Variants in RUSF1 observed in about 807,000 individuals in gnomAD.
RUSF1 encodes RUS1 family protein C16orf58.
Under a neutral mutation model 63.0 loss-of-function variants are expected in RUSF1, and 58 were observed. That is an observed-to-expected ratio of 0.92 (90% CI 0.75 to 1.15). The LOEUF is 1.15. Among genes scored for constraint, RUSF1 ranks in the 50% most tolerant of loss-of-function variants. The pLI is 0.00. For synonymous variants in RUSF1, 274 were observed against 255.8 expected (o/e 1.07, Z -0.68); for missense variants, 652 against 611.0 (o/e 1.07, Z -0.71).
chr16:31,497,894 G>A (rs2082612539), intron 5 of RUSF1, among the ~76,000 whole-genome samples: 1 of 152,252 alleles, frequency 6.6e-6, no homozygotes, highest in African/African-American at 2.4e-5. Context: ...GCAGCAGAGT[G>A]ACCTGATTGC....
chr16:31,496,900 G>A lies in RUSF1; in HGVS notation c.651C>T (p.His217=), dbSNP rs1344623917. The change falls in exon 6 of 13, where the codon CAC becomes CAT. Residue 217 remains histidine, a synonymous_variant. Coordinates refer to ENST00000327237, the MANE Select transcript of RUSF1 (RefSeq NM_022744.4). ...GGATRAALTV[H]QARRNNMADV... ...CAGCCATGTTGTTCCTCCGAGCCTG[G>A]TGCACGGTCAGGGCAGCCCGAGTGG... The A allele has an allele frequency of 6.2e-7, 1 of 1,610,222 alleles. No homozygotes were observed. The highest frequency in any genetic ancestry group is 8.5e-7 in the Non-Finnish European group (1 of 1,178,644).
chr16:31,491,911 T>A, intron 12 of RUSF1, 98 bp downstream of exon 12: 1 of 1,319,676 alleles, frequency 7.6e-7, no homozygotes, highest in Non-Finnish European at 1.1e-6. Context: ...AGAACCCAAG[T>A]CTTTTACCTT....
chr16:31,508,041 G>A (rs776428600), intron 1 of RUSF1, 33 bp downstream of exon 1: 1 of 1,579,564 alleles, frequency 6.3e-7, no homozygotes, highest in Admixed American at 1.8e-5. Context: ...GGAGTGGCCT[G>A]CACTGTCCTC....
In RUSF1 at chr16:31,490,853, G is replaced by A. The variant is rs201819750; in HGVS notation, c.1389C>T (p.Pro463=). Residue 463 remains proline, a synonymous_variant, in exon 13 of 13, where the codon CCC becomes CCT. Transcript: ENST00000327237. Reference sequence around the variant, plus strand: ...GGGCTGCTCACAAGACCTTCTTTTCGGGAGACAGAAGCCATGTGGCCCTCC... The same window carrying A: ...GGGCTGCTCACAAGACCTTCTTTTCAGGAGACAGAAGCCATGTGGCCCTCC... ...DEWRATWLLS[P]EKKVL is the part of the protein sequence containing the mutation. 6.2e-6 allele frequency: 10 copies of A among 1,614,158 alleles called. No individual in the cohort carries two copies. The highest frequency in any genetic ancestry group is 1.1e-5 in the South Asian group (1 of 91,076).
rs746070691 is a variant in RUSF1 at position 31,507,921 on chromosome 16, G to C, written c.301-43C>G. 4 of 1,545,062 alleles carry C rather than the reference G, an allele frequency of 2.6e-6. No homozygotes were observed. The East Asian group carries it at 9.8e-5, about 38-fold the overall frequency. ...TAGGGTGAGAAGCGGGCGTAGGAGC[G>C]TGGCGGTCTAAGTGCCTTCATCTGT... On this transcript the variant is annotated intron_variant, in intron 1 of 12. Coordinates refer to ENST00000327237, the MANE Select transcript of RUSF1 (RefSeq NM_022744.4).
At chr16:31,496,183 G>C (rs780806670) in intron 6 of RUSF1, among the ~76,000 whole-genome samples, 4 of 152,042 alleles carry the variant, frequency 2.6e-5, no homozygotes. Context: ...TCCTGAGCTC[G>C]AGGCTGGGAC....
Position 31,508,141 on chromosome 16 carries a change from AG to A in RUSF1, c.232del (p.Leu78CysfsTer33), listed in dbSNP as rs1567401174. The A allele has an allele frequency of 6.3e-7, 1 of 1,597,282 alleles. No individual in the cohort carries two copies. The highest frequency in any genetic ancestry group is 8.5e-7 in the Non-Finnish European group (1 of 1,172,698). ...GACGCTATCAGGGAAGCCCTGAGGC[AG>A]GAACACGGCCTGGAGCCCGGAGAGG... ...PPLSGLQAVF[L>X]PQGFPDSVSP... On this transcript the variant is annotated frameshift_variant, in exon 1 of 13. Transcript: ENST00000327237. LOFTEE classifies it high-confidence loss of function.
At chr16:31,505,200 A>C (rs1214160693) in intron 2 of RUSF1, among the ~76,000 whole-genome samples, 1 of 152,206 alleles carries the variant, frequency 6.6e-6, no homozygotes, top group Non-Finnish European at 1.5e-5. Context: ...GTCTGGGTGG[A>C]GAGAAGCATA....
intron 10 of RUSF1, 70 bp downstream of exon 10, chr16:31,492,908 C>A (rs1172384755): frequency 1.3e-5 from 20 of 1,494,280 alleles, no homozygotes; most frequent in Non-Finnish European, 1.8e-5. Flanking sequence ...AGCTCGGGGC[C>A]CTAGGTTGGA....
Position 31,489,994 on chromosome 16 carries a change from C to G in RUSF1, c.*841G>C, listed in dbSNP as rs865816262. ...GTTAAGCCTGGGCTGGGTGTGTAGA[C>G]TGGACAGAGGTGGGTAGGGCAGGCA... On this transcript the variant is annotated 3_prime_UTR_variant, in exon 13 of 13. Transcript: ENST00000327237. 1.5e-5 allele frequency: 21 copies of G among 1,448,006 alleles called. No homozygotes were observed. The highest frequency in any genetic ancestry group is 4.7e-4 in the Middle Eastern group (2 of 4,212). The allele number at this position is 1,448,006 out of a possible 1,614,324, so 89.7% of individuals were successfully genotyped here.
intron 2 of RUSF1, among the ~76,000 whole-genome samples, chr16:31,503,863 T>C (rs1018037439): frequency 5.3e-4 from 81 of 152,324 alleles, no homozygotes; most frequent in African/African-American, 1.9e-3. Flanking sequence ...GGTTTCTCCA[T>C]GTTGGTCAGG....
At position 31,493,853 on chromosome 16, in the gene RUSF1, G is replaced by T; in HGVS notation, c.773+13C>A. On this transcript the variant is annotated intron_variant, in intron 7 of 12. Transcript: ENST00000327237. ...CAGCTGGGGTTCTCCTGCCCACCCT[G>T]CTTCCGGCTTACCCAGGGCAACCTG... 1 of 1,614,222 alleles carries T rather than the reference G, an allele frequency of 6.2e-7. No homozygotes were observed. Among genetic ancestry groups the T allele is most frequent in the African/African-American group, 1.3e-5 (1 of 75,062 alleles).
chr16:31,498,842 T>C (rs1235785787), intron 5 of RUSF1, among the ~76,000 whole-genome samples: 4 of 152,164 alleles, frequency 2.6e-5, no homozygotes, highest in Non-Finnish European at 4.4e-5. Flanking sequence ...CAGGCTGGAA[T>C]CCCCGCCTCA....
chr16:31,501,572 T>C (rs1175086574), intron 2 of RUSF1, among the ~76,000 whole-genome samples: 1 of 146,906 alleles, frequency 6.8e-6, no homozygotes, highest in Admixed American at 6.9e-5. Flanking sequence ...CCAGCCTGGA[T>C]GACAGAGCAA....
chr16:31,507,201 T>C (rs2082663972), intron 2 of RUSF1, among the ~76,000 whole-genome samples: 1 of 152,192 alleles, frequency 6.6e-6, no homozygotes. Context: ...ATTTCCCTTT[T>C]CTGTTCTATT....
At position 31,492,061 on chromosome 16, in the gene RUSF1, G is replaced by A. The variant is rs752747114; in HGVS notation, c.1257C>T (p.Val419=). Residue 419 remains valine, a synonymous_variant, in exon 12 of 13, where the codon GTC becomes GTT. Coordinates refer to ENST00000327237, the MANE Select transcript of RUSF1 (RefSeq NM_022744.4). ...CCAACACTTCGTGTGTCTCCTTGACGACGACCCAGCTCTCTTTCTTAGGAC... is the reference window on the plus strand; with the variant it reads ...CCAACACTTCGTGTGTCTCCTTGACAACGACCCAGCTCTCTTTCTTAGGAC... ...RAGPKKESWV[V]VKETHEVLDM... is the part of the protein sequence containing the mutation. 109 of 1,614,042 alleles carry A rather than the reference G, an allele frequency of 6.8e-5. No individual in the cohort carries two copies. The South Asian group carries it at 1.1e-3, about 17-fold the overall frequency.
chr16:31,496,021 G>T (rs185333197), intron 6 of RUSF1, among the ~76,000 whole-genome samples: 1 of 152,306 alleles, frequency 6.6e-6, no homozygotes, highest in East Asian at 1.9e-4. Context: ...GGACTTCCCT[G>T]GGCCTTAATT....
At chr16:31,507,955 T>C in intron 1 of RUSF1, 77 bp from the exon 2 acceptor site, 1 of 1,533,182 alleles carries the variant, frequency 6.5e-7, no homozygotes, top group South Asian at 1.2e-5. Flanking sequence ...GTTCTTGTTC[T>C]TGGTGTATGA....
In RUSF1 at chr16:31,508,258, C is replaced by G; in HGVS notation, c.116G>C (p.Trp39Ser). 6.4e-7 allele frequency: 1 copy of G among 1,565,290 alleles called. No individual in the cohort carries two copies. Among genetic ancestry groups the G allele is most frequent in the Non-Finnish European group, 8.7e-7 (1 of 1,155,340 alleles). Residue 39 changes from tryptophan (W) to serine (S), a missense_variant, in exon 1 of 13, where the codon TGG becomes TCG. Transcript: ENST00000327237. ...GGCCCTGGAGAGCCCCCACCAGCGCCAGCCCCCGACCTCCCACTGCAGGCT... is the reference window on the plus strand; with the variant it reads ...GGCCCTGGAGAGCCCCCACCAGCGCGAGCCCCCGACCTCCCACTGCAGGCT... ...DGSLQWEVGG[W>S]RWWGLSRAFT...
Sources: gnomAD v4.1 joint callset for allele counts (sites outside exome capture counted in the v4.1 genomes callset) on GRCh38, gnomAD v4.1.1 for gene constraint, MANE v1.5 for transcripts, NCBI Gene and HGNC (gene_info 2026-07-23, HGNC 2026-07-21) for gene names.